The following POU5F2 variants were observed in gnomAD, a reference collection of about 807,000 sequenced individuals.
POU5F2 encodes POU domain class 5, transcription factor 2.
For synonymous variants in POU5F2, 191 were observed against 178.7 expected, an observed-to-expected ratio of 1.07 and a Z score of -0.55; for missense variants, 401 against 426.6, an observed-to-expected ratio of 0.94 and a Z score of 0.53.
In POU5F2 at chr5:93,733,581, T is replaced by C. The variant is rs1197398722; in HGVS notation, c.*6996A>G. On this transcript the variant is annotated 3_prime_UTR_variant, in exon 1 of 1. Transcript: ENST00000606183. Reference sequence around the variant, plus strand: ...ATGCACATTTTAAAAGATTTCCATATGAATTACCTAACAGCCTTTCATGAA... The same window carrying C: ...ATGCACATTTTAAAAGATTTCCATACGAATTACCTAACAGCCTTTCATGAA... 2 of 152,240 alleles carry C rather than the reference T, an allele frequency of 1.3e-5. No individual in the cohort carries two copies. The highest frequency in any genetic ancestry group is 4.8e-5 in the African/African-American group (2 of 41,450). The allele number at this position is 152,240 out of a possible 1,614,324, so 9.4% of individuals were successfully genotyped here.
rs1002407720 is a variant in POU5F2 at position 93,740,253 on chromosome 5, C to T, written c.*324G>A. On this transcript the variant is annotated 3_prime_UTR_variant, in exon 1 of 1. Coordinates refer to ENST00000606183, the MANE Select transcript of POU5F2 (RefSeq NM_153216.2). ...TGAAAAAATTTAAACCCTATGTTTACTGATAACCACAAGGAATAACAGACA... is the reference window on the plus strand; with the variant it reads ...TGAAAAAATTTAAACCCTATGTTTATTGATAACCACAAGGAATAACAGACA... The T allele has an allele frequency of 1.8e-5, 4 of 218,224 alleles. No individual in the cohort carries two copies. Among genetic ancestry groups the T allele is most frequent in the African/African-American group, 9.2e-5 (4 of 43,644 alleles). The allele number at this position is 218,224 out of a possible 1,614,324, so 13.5% of individuals were successfully genotyped here. A position where few individuals can be genotyped will look rare whatever the true frequency, so the allele number is the denominator to read the frequency against.
chr5:93,740,554 C>T lies in POU5F2; in HGVS notation c.*23G>A, dbSNP rs765323901. The T allele has an allele frequency of 2.6e-6, 4 of 1,567,740 alleles. No homozygotes were observed. Among genetic ancestry groups the T allele is most frequent in the African/African-American group, 1.4e-5 (1 of 73,762 alleles). On this transcript the variant is annotated 3_prime_UTR_variant, in exon 1 of 1. Coordinates refer to ENST00000606183, the MANE Select transcript of POU5F2 (RefSeq NM_153216.2). ...CTTCTTCTCCCCTCTCCAACCGTGC[C>T]GTGAAGGGCAAGCCCCTCAGCCCTA... is the stretch of plus-strand genomic sequence containing the variant.
rs984583603 is a variant in POU5F2 at position 93,738,821 on chromosome 5, G to A, written c.*1756C>T. 3 of 152,220 alleles carry A rather than the reference G, an allele frequency of 2.0e-5. No homozygotes were observed. Among genetic ancestry groups the A allele is most frequent in the African/African-American group, 7.2e-5 (3 of 41,458 alleles). The allele number at this position is 152,220 out of a possible 1,614,324, so 9.4% of individuals were successfully genotyped here. ...ATGGAGTTATTGCTTAATGAGAAGAGTTTATGTTTGGAGTGATGGAAAAAT... is the reference window on the plus strand; with the variant it reads ...ATGGAGTTATTGCTTAATGAGAAGAATTTATGTTTGGAGTGATGGAAAAAT... On this transcript the variant is annotated 3_prime_UTR_variant, in exon 1 of 1. Transcript: ENST00000606183.
Position 93,735,203 on chromosome 5 carries a change from A to G in POU5F2, c.*5374T>C, listed in dbSNP as rs1746968282. On this transcript the variant is annotated 3_prime_UTR_variant, in exon 1 of 1. Coordinates refer to ENST00000606183, the MANE Select transcript of POU5F2 (RefSeq NM_153216.2). ...GATCTTCTGATTAAAGTTTCTACAT[A>G]TCATCTTAAATCTCTGAAAAATCTG... The G allele has an allele frequency of 6.6e-6, 1 of 152,208 alleles. No individual in the cohort carries two copies. 9.4% of individuals were successfully genotyped at this position (152,208 alleles called of 1,614,324 possible).
Position 93,740,533 on chromosome 5 carries a change from T to G in POU5F2, c.*44A>C. On this transcript the variant is annotated 3_prime_UTR_variant, in exon 1 of 1. Transcript: ENST00000606183. The stretch of plus-strand genomic sequence containing the variant: ...GGGACATTTCCTGGGTTTTCCCTTC[T>G]TCTCCCCTCTCCAACCGTGCCGTGA... 1 of 1,534,358 alleles carries G rather than the reference T, an allele frequency of 6.5e-7. No homozygotes were observed. The highest frequency in any genetic ancestry group is 8.8e-7 in the Non-Finnish European group (1 of 1,139,320).
Position 93,740,713 on chromosome 5 carries a change from G to T in POU5F2, c.851C>A (p.Pro284His), listed in dbSNP as rs1748225197. 3 of 1,613,520 alleles carry T rather than the reference G, an allele frequency of 1.9e-6. No homozygotes were observed. The highest frequency in any genetic ancestry group is 2.5e-6 in the Non-Finnish European group (3 of 1,179,664). Residue 284 changes from proline to histidine, a missense_variant, in exon 1 of 1, where the codon CCT becomes CAT. Coordinates refer to ENST00000606183, the MANE Select transcript of POU5F2 (RefSeq NM_153216.2). ...PREIVGTAGP[P>H]CPGAPVCFHL... is the part of the protein sequence containing the mutation. ...AAAGCACACTGGTGCTCCTGGGCAA[G>T]GAGGCCCGGCTGTCCCCACAATCTC... is the stretch of plus-strand genomic sequence containing the variant.
Position 93,740,570 on chromosome 5 carries a change from C to CTCA in POU5F2, c.*4_*6dup. The CTCA allele has an allele frequency of 6.3e-7, 1 of 1,586,208 alleles. No individual in the cohort carries two copies. ...CAACCGTGCCGTGAAGGGCAAGCCCCTCAGCCCTAAAATCTGAGGAGGCCC... is the reference window on the plus strand; with the variant it reads ...CAACCGTGCCGTGAAGGGCAAGCCCCTCATCAGCCCTAAAATCTGAGGAGGCCC... On this transcript the variant is annotated 3_prime_UTR_variant, in exon 1 of 1. Coordinates refer to ENST00000606183, the MANE Select transcript of POU5F2 (RefSeq NM_153216.2).
Position 93,741,531 on chromosome 5 carries a change from G to A in POU5F2, c.33C>T (p.Cys11=). MAGHRPSNHF[C]PLPGSGGGGP... The stretch of plus-strand genomic sequence containing the variant: ...CGCCCCCACCACTGCCTGGAAGGGG[G>A]CAGAAGTGGTTTGAGGGCCTGTGTC... Residue 11 remains cysteine, a synonymous_variant, in exon 1 of 1, where the codon TGC becomes TGT. Coordinates refer to ENST00000606183, the MANE Select transcript of POU5F2 (RefSeq NM_153216.2). 6.3e-7 allele frequency: 1 copy of A among 1,598,870 alleles called. No individual in the cohort carries two copies. Among genetic ancestry groups the A allele is most frequent in the Non-Finnish European group, 8.5e-7 (1 of 1,172,954 alleles).
At position 93,740,508 on chromosome 5, in the gene POU5F2, G is replaced by C. The variant is rs1261276548; in HGVS notation, c.*69C>G. On this transcript the variant is annotated 3_prime_UTR_variant, in exon 1 of 1. Transcript: ENST00000606183. The stretch of plus-strand genomic sequence containing the variant: ...ACTAAAAGCCCTCAAATGAACCCTA[G>C]GGACATTTCCTGGGTTTTCCCTTCT... 1.4e-6 allele frequency: 2 copies of C among 1,476,598 alleles called. No homozygotes were observed. The highest frequency in any genetic ancestry group is 2.3e-5 in the East Asian group (1 of 43,698). The allele number at this position is 1,476,598 out of a possible 1,614,324, so 91.5% of individuals were successfully genotyped here. A position where few individuals can be genotyped will look rare whatever the true frequency, so the allele number is the denominator to read the frequency against.
rs780892278 is a variant in POU5F2 at position 93,741,505 on chromosome 5, C to A, written c.59G>T (p.Gly20Val). Residue 20 changes from glycine (G) to valine (V), a missense_variant, in exon 1 of 1, where the codon GGC becomes GTC. By Grantham distance (109) the Gly-to-Val change is moderately radical (BLOSUM62 -3). Coordinates refer to ENST00000606183, the MANE Select transcript of POU5F2 (RefSeq NM_153216.2). ...FCPLPGSGGG[G>V]PRGPMPLRVD... ...CCGCAGGGGCATCGGCCCTCTGGGG[C>A]CGCCCCCACCACTGCCTGGAAGGGG... 2 of 1,610,796 alleles carry A rather than the reference C, an allele frequency of 1.2e-6. No individual in the cohort carries two copies. Among genetic ancestry groups the A allele is most frequent in the African/African-American group, 2.7e-5 (2 of 74,954 alleles).
Position 93,740,763 on chromosome 5 carries a change from T to C in POU5F2, c.801A>G (p.Arg267=). The C allele has an allele frequency of 6.2e-7, 1 of 1,612,160 alleles. No homozygotes were observed. The highest frequency in any genetic ancestry group is 2.2e-5 in the East Asian group (1 of 44,824). ...WFYNRSKMGS[R]PTNDASPREI... ...CCCGTGGGGAAGCATCATTGGTTGG[T>C]CGACTGCCCATCTTGCTGCGGTTAT... Residue 267 remains arginine (R), a synonymous_variant, in exon 1 of 1, where the codon CGA becomes CGG. Transcript: ENST00000606183.
chr5:93,735,926 G>T lies in POU5F2; in HGVS notation c.*4651C>A, dbSNP rs1160006939. ...GATGATGTTGTGGATTCACTGTAGT[G>T]AGTTTGGTCCAAGAACCAGAAGAAG... On this transcript the variant is annotated 3_prime_UTR_variant, in exon 1 of 1. Coordinates refer to ENST00000606183, the MANE Select transcript of POU5F2 (RefSeq NM_153216.2). 3 of 151,980 alleles carry T rather than the reference G, an allele frequency of 2.0e-5. No individual in the cohort carries two copies. The highest frequency in any genetic ancestry group is 4.4e-5 in the Non-Finnish European group (3 of 68,002). 9.4% of individuals were successfully genotyped at this position (151,980 alleles called of 1,614,324 possible). A position where few individuals can be genotyped will look rare whatever the true frequency, so the allele number is the denominator to read the frequency against.
rs559769557 is a variant in POU5F2 at position 93,741,178 on chromosome 5, A to G, written c.386T>C (p.Leu129Ser). 2 of 1,613,800 alleles carry G rather than the reference A, an allele frequency of 1.2e-6. No homozygotes were observed. The highest frequency in any genetic ancestry group is 2.2e-5 in the South Asian group (2 of 91,078). ...CCTCTTCTGCCTCAACTCCTTGGCC[A>G]ATTGCTGCAACTCTTTCAGTATGCC... ...ISGILKELQQ[L>S]AKELRQKRLS... Residue 129 changes from leucine to serine, a missense_variant, in exon 1 of 1, where the codon TTG becomes TCG. Physicochemically the swap from Leu to Ser is moderately radical, Grantham distance 145 (BLOSUM62 -2). Coordinates refer to ENST00000606183, the MANE Select transcript of POU5F2 (RefSeq NM_153216.2).
At position 93,736,385 on chromosome 5, in the gene POU5F2, T is replaced by C. The variant is rs181600209; in HGVS notation, c.*4192A>G. 1 of 152,334 alleles carries C rather than the reference T, an allele frequency of 6.6e-6. No individual in the cohort carries two copies. The highest frequency in any genetic ancestry group is 2.4e-5 in the African/African-American group (1 of 41,586). 9.4% of individuals were successfully genotyped at this position (152,334 alleles called of 1,614,324 possible). A position where few individuals can be genotyped will look rare whatever the true frequency, so the allele number is the denominator to read the frequency against. ...GAAGAATGTAAGTGCAGCATTAATA[T>C]TTACTTGACTTTTGTTTTTAAAGTA... On this transcript the variant is annotated 3_prime_UTR_variant, in exon 1 of 1. Transcript: ENST00000606183.
chr5:93,741,136 G>A lies in POU5F2; in HGVS notation c.428C>T (p.Ser143Leu), dbSNP rs867831676. The change falls in exon 1 of 1, where the codon TCG becomes TTG. Residue 143 changes from serine (S) to leucine (L), a missense_variant. Physicochemically the swap from Ser to Leu is moderately radical, Grantham distance 145. Coordinates refer to ENST00000606183, the MANE Select transcript of POU5F2 (RefSeq NM_153216.2). ...LRQKRLSLGY[S>L]QADVGIAVGA... Reference sequence around the variant, plus strand: ...CACAGCGATCCCCACATCGGCCTGCGAGTACCCTAGGCTCAACCTCTTCTG... The same window carrying A: ...CACAGCGATCCCCACATCGGCCTGCAAGTACCCTAGGCTCAACCTCTTCTG... 1 of 1,613,668 alleles carries A rather than the reference G, an allele frequency of 6.2e-7. No individual in the cohort carries two copies. Among genetic ancestry groups the A allele is most frequent in the African/African-American group, 1.3e-5 (1 of 74,914 alleles).
rs577269513 is a variant in POU5F2, at chr5:93,741,123, C to T, written c.441G>A (p.Val147=). The part of the protein sequence containing the change: ...RLSLGYSQAD[V]GIAVGALFGK... ...CAAACAGAGCTCCCACAGCGATCCC[C>T]ACATCGGCCTGCGAGTACCCTAGGC... is the stretch of plus-strand genomic sequence containing the variant. The change falls in exon 1 of 1, where the codon GTG becomes GTA. Residue 147 remains valine (V), a synonymous_variant. Transcript: ENST00000606183. The T allele has an allele frequency of 4.3e-6, 7 of 1,613,922 alleles. No homozygotes were observed. The East Asian group carries it at 1.3e-4, about 31-fold the overall frequency.
rs546181953 is a variant in POU5F2 at position 93,741,141 on chromosome 5, C to T, written c.423G>A (p.Gly141=). The change falls in exon 1 of 1, where the codon GGG becomes GGA. Residue 141 remains glycine (G), a synonymous_variant. Transcript: ENST00000606183. ...CGATCCCCACATCGGCCTGCGAGTA[C>T]CCTAGGCTCAACCTCTTCTGCCTCA... is the stretch of plus-strand genomic sequence containing the variant. ...KELRQKRLSL[G]YSQADVGIAV... is the part of the protein sequence containing the mutation. 12 of 1,613,894 alleles carry T rather than the reference C, an allele frequency of 7.4e-6. No individual in the cohort carries two copies. The East Asian group carries it at 2.5e-4, about 33-fold the overall frequency.
Position 93,734,836 on chromosome 5 carries a change from A to T in POU5F2, c.*5741T>A, listed in dbSNP as rs1375507477. On this transcript the variant is annotated 3_prime_UTR_variant, in exon 1 of 1. Coordinates refer to ENST00000606183, the MANE Select transcript of POU5F2 (RefSeq NM_153216.2). ...CTTTTGCTTTTTTTTTTTGAGACAG[A>T]GTCTCACTTTGTTGCCCAGGCTGCG... The T allele has an allele frequency of 2.0e-5, 3 of 151,450 alleles. No individual in the cohort carries two copies. The highest frequency in any genetic ancestry group is 7.3e-5 in the African/African-American group (3 of 41,228). 9.4% of individuals were successfully genotyped at this position (151,450 alleles called of 1,614,324 possible).
chr5:93,734,553 AAT>A lies in POU5F2; in HGVS notation c.*6022_*6023del, dbSNP rs1353832747. 1.3e-5 allele frequency: 2 copies of A among 152,208 alleles called. No homozygotes were observed. Among genetic ancestry groups the A allele is most frequent in the African/African-American group, 2.4e-5 (1 of 41,462 alleles). The allele number at this position is 152,208 out of a possible 1,614,324, so 9.4% of individuals were successfully genotyped here. On this transcript the variant is annotated 3_prime_UTR_variant, in exon 1 of 1. Transcript: ENST00000606183. ...AGGGGCTCAGCATCTTCAGATTAAA[AAT>A]ACTTGCCTTGTCTATAGGAAATACA...
Sources: gnomAD v4.1 joint callset for allele counts on GRCh38, gnomAD v4.1.1 for gene constraint, MANE v1.5 for transcripts, NCBI Gene and HGNC (gene_info 2026-07-23, HGNC 2026-07-21) for gene names.